The following TNNI3K variants were observed in gnomAD, a reference collection of about 807,000 sequenced individuals.
The protein encoded by TNNI3K is TNNI3 interacting kinase.
In TNNI3K, 140 loss-of-function variants were observed where a neutral mutation model predicts 114.5. The observed-to-expected ratio is 1.22, with a 90% CI of 1.07 to 1.41. TNNI3K has a LOEUF of 1.41. Ranked by LOEUF, TNNI3K falls within the 40% of genes most tolerant of loss-of-function variation. The pLI is 0.00. For missense variants in TNNI3K, 1,125 were observed against 1,007.6 expected (o/e 1.12, Z -1.58); for synonymous variants, 347 against 347.5 (o/e 1.00, Z 0.02).
chr1:74,378,562 G>T (rs894874528), intron 17 of TNNI3K: 1 of 118,086 alleles, frequency 8.5e-6, no homozygotes, highest in African/African-American at 3.2e-5. Context: ...CATTAGCATG[G>T]CACACATTTT....
chr1:74,416,083 A>T (rs1665102365), intron 17 of TNNI3K, among the ~76,000 whole-genome samples: 1 of 152,152 alleles, frequency 6.6e-6, no homozygotes, highest in Non-Finnish European at 1.5e-5. Flanking sequence ...CTTTGGAGGA[A>T]GGTGCTGTAC....
At chr1:74,517,666 G>A (rs1044603012) in intron 23 of TNNI3K, among the ~76,000 whole-genome samples, 12 of 152,142 alleles carry the variant, frequency 7.9e-5, no homozygotes, top group African/African-American at 2.9e-4. Flanking sequence ...TCATTGATGA[G>A]GAAGCTGAGG....
At chr1:74,506,170 G>A (rs1020608058) in intron 23 of TNNI3K, among the ~76,000 whole-genome samples, 27 of 152,092 alleles carry the variant, frequency 1.8e-4, no homozygotes, top group African/African-American at 6.0e-4. Context: ...GAGAAGACAC[G>A]TTACATGTTT....
At chr1:74,342,198 C>A (rs1231878096) in intron 7 of TNNI3K, among the ~76,000 whole-genome samples, 1 of 152,094 alleles carries the variant, frequency 6.6e-6, no homozygotes, top group East Asian at 1.9e-4. Flanking sequence ...GGTTATAAGG[C>A]TGGGTGTTTC....
intron 6 of TNNI3K, among the ~76,000 whole-genome samples, 162 bp downstream of exon 6, chr1:74,331,710 A>C (rs754980262): frequency 6.6e-5 from 10 of 152,216 alleles, no homozygotes; most frequent in Admixed American, 5.2e-4. Context: ...CCATATAAGC[A>C]TTACGGTTGT....
At chr1:74,324,101 C>G (rs1659770479) in intron 5 of TNNI3K, among the ~76,000 whole-genome samples, 1 of 152,236 alleles carries the variant, frequency 6.6e-6, no homozygotes, top group Admixed American at 6.5e-5. Flanking sequence ...AAATATTAGT[C>G]CTGCCCTGAC....
At chr1:74,374,283 G>A (rs774030647) in intron 17 of TNNI3K, 24 of 151,900 alleles carry the variant, frequency 1.6e-4, no homozygotes, top group Non-Finnish European at 2.7e-4. Flanking sequence ...CAATGTAAAT[G>A]ATGATAATGA....
At chr1:74,378,957 G>A (rs1663061573) in intron 17 of TNNI3K, among the ~76,000 whole-genome samples, 1 of 151,746 alleles carries the variant, frequency 6.6e-6, no homozygotes, top group Admixed American at 6.6e-5. Context: ...CAAATATAAT[G>A]TTAGTTGCAT....
At chr1:74,312,552 A>C (rs1181894181) in intron 5 of TNNI3K, among the ~76,000 whole-genome samples, 1 of 152,246 alleles carries the variant, frequency 6.6e-6, no homozygotes, top group East Asian at 1.9e-4. Flanking sequence ...GAGATCTTGT[A>C]TATTTTTAAT....
chr1:74,536,137 T>C (rs562122400), intron 23 of TNNI3K, among the ~76,000 whole-genome samples: 1 of 152,252 alleles, frequency 6.6e-6, no homozygotes, highest in South Asian at 2.1e-4. Context: ...TACTCCTGCT[T>C]TGGGGAGTTG....
intron 20 of TNNI3K, among the ~76,000 whole-genome samples, chr1:74,440,377 C>G: frequency 6.6e-6 from 1 of 152,066 alleles, no homozygotes; most frequent in East Asian, 1.9e-4. Context: ...CAAATGTAAT[C>G]ATAAGTAATT....
chr1:74,478,949 C>T (rs1322379984), intron 21 of TNNI3K, among the ~76,000 whole-genome samples: 1 of 152,096 alleles, frequency 6.6e-6, no homozygotes, highest in African/African-American at 2.4e-5. Context: ...AATTTCCTTC[C>T]AAGTGAGTTG....
At chr1:74,264,164 C>CT (rs1030244902) in intron 4 of TNNI3K, among the ~76,000 whole-genome samples, 108 of 145,624 alleles carry the variant, frequency 7.4e-4, no homozygotes, top group African/African-American at 1.4e-3. Flanking sequence ...CTCTTTTTTT[C>CT]TTTTTTTTTT....
chr1:74,430,907 C>G (rs1156529731), intron 17 of TNNI3K, among the ~76,000 whole-genome samples: 1 of 152,114 alleles, frequency 6.6e-6, no homozygotes, highest in African/African-American at 2.4e-5. Flanking sequence ...CTAAGAGTGA[C>G]TTGAAATATT....
At chr1:74,482,607 A>G (rs1668562786) in intron 21 of TNNI3K, among the ~76,000 whole-genome samples, 1 of 152,148 alleles carries the variant, frequency 6.6e-6, no homozygotes. Context: ...CTCTGTCGTA[A>G]CTCAAGCTTG....
intron 23 of TNNI3K, among the ~76,000 whole-genome samples, chr1:74,530,894 T>C (rs1335207555): frequency 6.6e-6 from 1 of 152,018 alleles, no homozygotes; most frequent in Non-Finnish European, 1.5e-5. Flanking sequence ...AATTGAGAGG[T>C]GGTAGTGTTG....
intron 17 of TNNI3K, among the ~76,000 whole-genome samples, chr1:74,430,094 G>C (rs760655233): frequency 6.6e-6 from 1 of 152,104 alleles, no homozygotes; most frequent in Non-Finnish European, 1.5e-5. Flanking sequence ...TGGTAGTGGA[G>C]TGAAAGTAGC....
At chr1:74,361,543 C>G (rs369950970) in intron 11 of TNNI3K, among the ~76,000 whole-genome samples, 23 of 152,206 alleles carry the variant, frequency 1.5e-4, no homozygotes, top group African/African-American at 4.6e-4. Context: ...GTGTGACAGA[C>G]ACTGTGCTAG....
intron 2 of TNNI3K, among the ~76,000 whole-genome samples, chr1:74,241,880 C>T (rs1413885922): frequency 5.4e-5 from 8 of 147,002 alleles, no homozygotes; most frequent in Admixed American, 2.7e-4. Flanking sequence ...GACGGAGTCT[C>T]GCTCTGTCGC....
Sources: gnomAD v4.1 joint callset for allele counts (sites outside exome capture counted in the v4.1 genomes callset) on GRCh38, gnomAD v4.1.1 for gene constraint, MANE v1.5 for transcripts, NCBI Gene and HGNC (gene_info 2026-07-23, HGNC 2026-07-21) for gene names.